The following EDIL3 variants were observed in gnomAD, a reference collection of about 807,000 sequenced individuals.
EDIL3 encodes the protein EGF-like repeat and discoidin I-like domain-containing protein 3.
Under a neutral mutation model 67.4 loss-of-function variants are expected in EDIL3, and 37 were observed. That is an observed-to-expected ratio of 0.55 (90% CI 0.42 to 0.72). EDIL3 has a LOEUF of 0.72. Among genes scored for constraint, EDIL3 ranks in the 30% least tolerant of loss-of-function variants. The pLI is 0.00. For synonymous variants in EDIL3, 195 were observed against 196.3 expected, an observed-to-expected ratio of 0.99 and a Z score of 0.05; for missense variants, 527 against 586.3, an observed-to-expected ratio of 0.90 and a Z score of 1.04.
chr5:84,326,771 C>T (rs1746765860), intron 1 of EDIL3, among the ~76,000 whole-genome samples: 1 of 151,866 alleles, frequency 6.6e-6, no homozygotes. Context: ...ACTATTTCAG[C>T]TACTTTTATC....
intron 2 of EDIL3, among the ~76,000 whole-genome samples, chr5:84,239,166 C>A (rs765009521): frequency 3.3e-5 from 5 of 152,104 alleles, no homozygotes; most frequent in African/African-American, 4.8e-5. Context: ...TATTGTAATT[C>A]TTTTCTTAAC....
At position 84,042,685 on chromosome 5, in the gene EDIL3, G is replaced by A. The variant is rs143750810; in HGVS notation, c.1137+17615C>T. ...TATTTAGAGGACACAAAGCATGAGA[G>A]GAGAAAATATATTGGATACAGATAT... is the stretch of plus-strand genomic sequence containing the variant. On this transcript the variant is annotated intron_variant, in intron 9 of 10. Transcript: ENST00000296591. Among the ~76,000 whole-genome samples, 36 of 152,236 alleles carry A rather than the reference G, an allele frequency of 2.4e-4. No homozygotes were observed. In the East Asian group the frequency reaches 7.0e-3, roughly 29 times the overall value.
intron 1 of EDIL3, among the ~76,000 whole-genome samples, chr5:84,379,441 CA>C (rs1405994369): frequency 6.6e-6 from 1 of 151,950 alleles, no homozygotes; most frequent in Non-Finnish European, 1.5e-5. Context: ...ACCATAATGA[CA>C]AAAAGAGTAA....
intron 1 of EDIL3, among the ~76,000 whole-genome samples, chr5:84,365,657 T>C (rs1322016612): frequency 6.6e-6 from 1 of 152,096 alleles, no homozygotes; most frequent in African/African-American, 2.4e-5. Flanking sequence ...AATAAAAACA[T>C]ATATCATATC....
At chr5:83,952,911 A>G (rs1455074561) in intron 10 of EDIL3, among the ~76,000 whole-genome samples, 2 of 151,834 alleles carry the variant, frequency 1.3e-5, no homozygotes, top group East Asian at 3.9e-4. Flanking sequence ...ATGAACACAG[A>G]AGTGATTTAA....
intron 2 of EDIL3, among the ~76,000 whole-genome samples, chr5:84,230,490 C>A (rs1384999592): frequency 6.6e-6 from 1 of 151,822 alleles, no homozygotes; most frequent in African/African-American, 2.4e-5. Flanking sequence ...TCACTGCAAC[C>A]TCCGCCTCCT....
intron 9 of EDIL3, among the ~76,000 whole-genome samples, chr5:84,048,472 G>T (rs141782347): frequency 1.3e-5 from 2 of 151,884 alleles, no homozygotes; most frequent in Non-Finnish European, 1.5e-5. Flanking sequence ...AGGGTCAGAC[G>T]CAATTTTGAT....
At chr5:84,028,977 G>A (rs1166348432) in intron 9 of EDIL3, among the ~76,000 whole-genome samples, 1 of 152,138 alleles carries the variant, frequency 6.6e-6, no homozygotes, top group Non-Finnish European at 1.5e-5. Context: ...AGGAGTTCCA[G>A]CTGGATGTGG....
intron 1 of EDIL3, among the ~76,000 whole-genome samples, chr5:84,373,922 T>G (rs1049984651): frequency 6.6e-6 from 1 of 152,098 alleles, no homozygotes; most frequent in African/African-American, 2.4e-5. Context: ...TGGGAATCAT[T>G]AATGTTGGGA....
intron 4 of EDIL3, among the ~76,000 whole-genome samples, chr5:84,160,170 G>A (rs998231611): frequency 6.6e-5 from 10 of 152,106 alleles, no homozygotes; most frequent in Admixed American, 6.6e-4. Context: ...CTCCAGTGAG[G>A]TGCCTCTGTC....
intron 1 of EDIL3, among the ~76,000 whole-genome samples, chr5:84,273,850 T>C (rs1298734967): frequency 2.0e-5 from 3 of 152,224 alleles, no homozygotes; most frequent in African/African-American, 7.2e-5. Flanking sequence ...TATACCTTTA[T>C]AATATGAGAA....
intron 9 of EDIL3, among the ~76,000 whole-genome samples, chr5:83,973,987 T>C (rs1323421309): frequency 6.6e-6 from 1 of 151,986 alleles, no homozygotes; most frequent in Non-Finnish European, 1.5e-5. Context: ...ACACAATGTA[T>C]TTTTGTGCTT....
chr5:84,325,883 C>A (rs539926731), intron 1 of EDIL3, among the ~76,000 whole-genome samples: 1 of 152,010 alleles, frequency 6.6e-6, no homozygotes, highest in Non-Finnish European at 1.5e-5. Context: ...ATAAGCTAGT[C>A]ATAAAAAATA....
At chr5:84,341,606 T>C (rs1747117164) in intron 1 of EDIL3, among the ~76,000 whole-genome samples, 1 of 152,118 alleles carries the variant, frequency 6.6e-6, no homozygotes, top group African/African-American at 2.4e-5. Context: ...AGGATTTTCA[T>C]ACAATCATCT....
At chr5:84,167,162 T>G (rs1265833069) in intron 4 of EDIL3, among the ~76,000 whole-genome samples, 1 of 152,030 alleles carries the variant, frequency 6.6e-6, no homozygotes, top group African/African-American at 2.4e-5. Flanking sequence ...GCAAAATCAT[T>G]AGGAGCACGT....
intron 1 of EDIL3, among the ~76,000 whole-genome samples, chr5:84,288,551 AC>A (rs1745854610): frequency 6.6e-6 from 1 of 152,200 alleles, no homozygotes; most frequent in Non-Finnish European, 1.5e-5. Flanking sequence ...TTGGACCAAT[AC>A]CTACCAAGTA....
At chr5:84,173,468 G>A (rs772400986) in intron 4 of EDIL3, among the ~76,000 whole-genome samples, 19 of 152,096 alleles carry the variant, frequency 1.2e-4, no homozygotes, top group Admixed American at 2.0e-4. Flanking sequence ...AAGCAGACTC[G>A]CACGACTGCC....
chr5:84,378,153 T>A (rs934974815), intron 1 of EDIL3, among the ~76,000 whole-genome samples: 3 of 152,190 alleles, frequency 2.0e-5, no homozygotes, highest in Non-Finnish European at 4.4e-5. Context: ...ACGGGAAAAG[T>A]CTTAAATAAG....
chr5:84,016,960 A>T (rs1487798497), intron 9 of EDIL3, among the ~76,000 whole-genome samples: 2 of 152,164 alleles, frequency 1.3e-5, no homozygotes, highest in Non-Finnish European at 2.9e-5. Flanking sequence ...AGACACTTAA[A>T]TTTTTCCTGT....
Sources: allele counts gnomAD v4.1 joint callset (sites outside exome capture counted in the v4.1 genomes callset), GRCh38; gene constraint gnomAD v4.1.1; transcripts MANE v1.5; gene names NCBI Gene and HGNC (gene_info 2026-07-23, HGNC 2026-07-21).